ATP2B2: variants seen among roughly 807,000 people sequenced by gnomAD.
ATP2B2 encodes the protein ATPase plasma membrane Ca2+ transporting 2.
A neutral mutation model predicts 120.0 loss-of-function variants in ATP2B2; 15 were observed. The observed-to-expected ratio is 0.12, with a 90% CI of 0.08 to 0.19. The LOEUF (loss-of-function observed/expected upper bound fraction) is 0.19, where lower values mean the gene tolerates loss of function less well. Ranked by LOEUF, ATP2B2 falls within the 10% of genes least tolerant of loss-of-function variation. ATP2B2 has a pLI of 1.00. For synonymous variants in ATP2B2, 694 were observed against 700.3 expected, an observed-to-expected ratio of 0.99 and a Z score of 0.14; for missense variants, 1,045 against 1,719.8, an observed-to-expected ratio of 0.61 and a Z score of 6.94.
intron 1 of ATP2B2, among the ~76,000 whole-genome samples, chr3:10,499,243 C>T (rs1296982520): frequency 6.6e-6 from 1 of 152,182 alleles, no homozygotes. Context: ...TACCACTATC[C>T]CATCTTACAG....
chr3:10,530,182 A>G (rs1034710192), intron 3 of ATP2B2, among the ~76,000 whole-genome samples: 2 of 152,184 alleles, frequency 1.3e-5, no homozygotes, highest in African/African-American at 4.8e-5. Flanking sequence ...GGTCCTCACC[A>G]TTTGAGGCGA....
intron 8 of ATP2B2, among the ~76,000 whole-genome samples, chr3:10,379,513 G>T (rs1031024066): frequency 1.3e-5 from 2 of 152,206 alleles, no homozygotes; most frequent in African/African-American, 4.8e-5. Flanking sequence ...TTCTCCAGGG[G>T]ACTCAGGAGG....
At chr3:10,557,292 T>C (rs1363635363) in intron 2 of ATP2B2, among the ~76,000 whole-genome samples, 1 of 152,196 alleles carries the variant, frequency 6.6e-6, no homozygotes, top group African/African-American at 2.4e-5. Context: ...GCTTGGGAAG[T>C]GTGAACTTTT....
At chr3:10,579,046 A>T (rs2068321824) in intron 2 of ATP2B2, among the ~76,000 whole-genome samples, 1 of 152,202 alleles carries the variant, frequency 6.6e-6, no homozygotes, top group Admixed American at 6.5e-5. Flanking sequence ...TGCTCATTGT[A>T]CTGTGCAGTT....
intron 2 of ATP2B2, among the ~76,000 whole-genome samples, chr3:10,537,115 G>C (rs1251681799): frequency 6.6e-6 from 1 of 152,104 alleles, no homozygotes; most frequent in East Asian, 1.9e-4. Context: ...TCATATCTCT[G>C]TCAATACTAC....
intron 2 of ATP2B2, among the ~76,000 whole-genome samples, chr3:10,588,756 T>C (rs1160343050): frequency 2.6e-5 from 4 of 152,070 alleles, no homozygotes; most frequent in Non-Finnish European, 5.9e-5. Context: ...TCTTAAGAGG[T>C]AGAGATGCTT....
chr3:10,642,693 A>C (rs947654864), intron 1 of ATP2B2, among the ~76,000 whole-genome samples: 3 of 152,070 alleles, frequency 2.0e-5, no homozygotes, highest in African/African-American at 7.2e-5. Context: ...AGCTAAAAAA[A>C]AAAAAAAGGT....
intron 1 of ATP2B2, among the ~76,000 whole-genome samples, chr3:10,686,668 A>T (rs1399418023): frequency 6.6e-6 from 1 of 151,822 alleles, no homozygotes; most frequent in Non-Finnish European, 1.5e-5. Context: ...AAAAAAAAGC[A>T]CGCAATCATT....
intron 5 of ATP2B2, chr3:10,394,370 C>G (rs73814209): frequency 0.045 from 20,694 of 464,066 alleles, 861 homozygotes; most frequent in African/African-American, 0.14. Context: ...CAACAGCCCC[C>G]TGAGGTAGGT....
Position 10,327,361 on chromosome 3 carries a change from ACT to A in ATP2B2, c.*1451_*1452del, listed in dbSNP as rs2059875518. 6.5e-6 allele frequency: 1 copy of A among 152,796 alleles called. No homozygotes were observed. The highest frequency in any genetic ancestry group is 1.5e-5 in the Non-Finnish European group (1 of 68,140). The allele number at this position is 152,796 out of a possible 1,614,324, so 9.5% of individuals were successfully genotyped here. On this transcript the variant is annotated 3_prime_UTR_variant, in exon 23 of 23. Transcript: ENST00000360273. ...GGAAGACAATTTGGTTTAAAATCAC[ACT>A]GAGTACATCTCAATATACACATCAT... is the stretch of plus-strand genomic sequence containing the variant.
rs747261236 is a variant in ATP2B2 at position 10,358,772 on chromosome 3, C to T, written c.2055G>A (p.Pro685=). The part of the protein sequence containing the change: ...AYRDFPSSPE[P]DWDNENDILN... ...GGATGTCATTCTCATTGTCCCAGTC[C>T]GGCTCCGGGCTGCTGGGGAAGTCGC... The change falls in exon 14 of 23, where the codon CCG becomes CCA. Residue 685 remains proline (P), a synonymous_variant. Coordinates refer to ENST00000360273, the MANE Select transcript of ATP2B2 (RefSeq NM_001001331.4). 8.7e-6 allele frequency: 14 copies of T among 1,614,218 alleles called. No individual in the cohort carries two copies. Among genetic ancestry groups the T allele is most frequent in the South Asian group, 1.1e-5 (1 of 91,084 alleles).
intron 22 of ATP2B2, among the ~76,000 whole-genome samples, chr3:10,335,828 T>C (rs536706005): frequency 3.9e-5 from 6 of 152,254 alleles, no homozygotes; most frequent in African/African-American, 1.4e-4. Flanking sequence ...CTGTGGTGGG[T>C]TGGGACCATT....
At chr3:10,434,248 CG>C (rs1559333322) in intron 2 of ATP2B2, among the ~76,000 whole-genome samples, 1 of 152,174 alleles carries the variant, frequency 6.6e-6, no homozygotes, top group South Asian at 2.1e-4. Flanking sequence ...CATTAGCAGA[CG>C]GGGGAAAGAT....
At chr3:10,422,631 C>T (rs900784507) in intron 2 of ATP2B2, among the ~76,000 whole-genome samples, 5 of 152,212 alleles carry the variant, frequency 3.3e-5, no homozygotes, top group African/African-American at 4.8e-5. Context: ...GACATCTAGA[C>T]GTGCACATGC....
intron 1 of ATP2B2, among the ~76,000 whole-genome samples, chr3:10,490,897 G>C (rs2125364106): frequency 6.6e-6 from 1 of 152,310 alleles, no homozygotes; most frequent in South Asian, 2.1e-4. Context: ...AAAAATATCT[G>C]TTATTTGATT....
At chr3:10,535,788 T>C (rs886961537) in intron 2 of ATP2B2, among the ~76,000 whole-genome samples, 1 of 152,242 alleles carries the variant, frequency 6.6e-6, no homozygotes, top group Non-Finnish European at 1.5e-5. Context: ...ACATCTGTGT[T>C]ACTCCTAGTT....
chr3:10,691,407 G>A (rs2071660747), intron 1 of ATP2B2, among the ~76,000 whole-genome samples: 1 of 152,212 alleles, frequency 6.6e-6, no homozygotes, highest in Non-Finnish European at 1.5e-5. Context: ...AGTTATGGGA[G>A]GACCAAGACT....
intron 2 of ATP2B2, among the ~76,000 whole-genome samples, chr3:10,438,954 G>C (rs1248766375): frequency 6.6e-6 from 1 of 152,208 alleles, no homozygotes; most frequent in Non-Finnish European, 1.5e-5. Context: ...GAGAACTGTT[G>C]CCAGGGATGC....
At chr3:10,660,765 T>C (rs1386054965) in intron 1 of ATP2B2, among the ~76,000 whole-genome samples, 2 of 152,232 alleles carry the variant, frequency 1.3e-5, no homozygotes, top group African/African-American at 4.8e-5. Context: ...AGCATCATCC[T>C]GATACCAAGC....
Sources: gnomAD v4.1 joint callset for allele counts (sites outside exome capture counted in the v4.1 genomes callset) on GRCh38, gnomAD v4.1.1 for gene constraint, MANE v1.5 for transcripts, NCBI Gene and HGNC (gene_info 2026-07-23, HGNC 2026-07-21) for gene names.